TENM4: variants seen among roughly 807,000 people sequenced by gnomAD.
TENM4 encodes the protein teneurin-4.
TENM4 carries 82 observed loss-of-function variants against 243.3 expected under a neutral mutation model. The ratio of observed to expected loss-of-function variants is 0.34; its 90% confidence interval spans 0.28 to 0.40. TENM4 has a LOEUF of 0.40. Ranked by LOEUF, TENM4 falls within the 10% of genes least tolerant of loss-of-function variation. The pLI, the probability that TENM4 is intolerant of heterozygous loss-of-function variation, is 1.00. For missense variants in TENM4, 3,138 were observed against 3,673.3 expected, an observed-to-expected ratio of 0.85 and a Z score of 3.77; for synonymous variants, 1,412 against 1,456.3, an observed-to-expected ratio of 0.97 and a Z score of 0.69.
At chr11:79,013,885 A>G (rs1413035232) in intron 6 of TENM4, among the ~76,000 whole-genome samples, 1 of 152,172 alleles carries the variant, frequency 6.6e-6, no homozygotes, top group Non-Finnish European at 1.5e-5. Flanking sequence ...GATCCAGCTG[A>G]GTCACTTTTC....
At chr11:79,164,010 GTA>G (rs200786571) in intron 3 of TENM4, among the ~76,000 whole-genome samples, 60,403 of 117,202 alleles carry the variant, frequency 0.52, 17,101 homozygotes, top group Non-Finnish European at 0.64. Flanking sequence ...ATAGTATATA[GTA>G]TATATATAGT....
chr11:79,230,909 C>T lies in TENM4; in HGVS notation c.-264-15000G>A, dbSNP rs909051763. 2.0e-5 allele frequency among the ~76,000 whole-genome samples: 3 copies of T among 152,164 alleles called. No homozygotes were observed. In the East Asian group the frequency reaches 5.8e-4, roughly 29 times the overall value. ...GTACAATAGCTTTGTCTTCTGGCTG[C>T]CTAACAAGAGCCCTTAGGCTGAGGG... On this transcript the variant is annotated intron_variant, in intron 2 of 33. Transcript: ENST00000278550.
At chr11:79,109,075 C>T (rs1861442489) in intron 4 of TENM4, among the ~76,000 whole-genome samples, 1 of 152,154 alleles carries the variant, frequency 6.6e-6, no homozygotes, top group Non-Finnish European at 1.5e-5. Context: ...TGTGGATTCC[C>T]CTCAGAGCTG....
At chr11:79,378,517 G>A (rs918285379) in intron 1 of TENM4, among the ~76,000 whole-genome samples, 1 of 152,140 alleles carries the variant, frequency 6.6e-6, no homozygotes, top group African/African-American at 2.4e-5. Context: ...GTCACCTGGG[G>A]GCATGCCTTG....
Position 79,154,716 on chromosome 11 carries a change from G to A in TENM4, c.-162-5910C>T, listed in dbSNP as rs117557948. On this transcript the variant is annotated intron_variant, in intron 3 of 33. Coordinates refer to ENST00000278550, the MANE Select transcript of TENM4 (RefSeq NM_001098816.3). ...TACTCACTTGCAGGAGAGCTCCTTGGCCCCTCAGAGGAAGGAGTTTCCTCT... is the reference window on the plus strand; with the variant it reads ...TACTCACTTGCAGGAGAGCTCCTTGACCCCTCAGAGGAAGGAGTTTCCTCT... 1.6e-3 allele frequency among the ~76,000 whole-genome samples: 243 copies of A among 152,088 alleles called. 8 individuals are homozygous for A. The East Asian group carries it at 0.043, about 27-fold the overall frequency.
intron 6 of TENM4, among the ~76,000 whole-genome samples, chr11:79,008,396 T>C (rs916407397): frequency 1.3e-5 from 2 of 152,120 alleles, no homozygotes; most frequent in African/African-American, 2.4e-5. Flanking sequence ...ATTTTAAACA[T>C]AGAATAATAA....
intron 1 of TENM4, among the ~76,000 whole-genome samples, chr11:79,396,751 T>C (rs373743086): frequency 1.8e-4 from 28 of 152,238 alleles, no homozygotes; most frequent in African/African-American, 6.5e-4. Flanking sequence ...GGCCACTGGG[T>C]CTCCCAAGAC....
chr11:79,214,417 C>T lies in TENM4; in HGVS notation c.-163+1391G>A, dbSNP rs79961254. Among the ~76,000 whole-genome samples the T allele has an allele frequency of 3.7e-4, 56 of 152,240 alleles. 1 individual carries two copies. The East Asian group carries it at 8.1e-3, about 22-fold the overall frequency. On this transcript the variant is annotated intron_variant, in intron 3 of 33. Transcript: ENST00000278550. Reference sequence around the variant, plus strand: ...GAAAAGCCTACCTTTGTTTTTATTCCTTGTGATATCCCCAGAGCTTAACAT... The same window carrying T: ...GAAAAGCCTACCTTTGTTTTTATTCTTTGTGATATCCCCAGAGCTTAACAT...
intron 6 of TENM4, among the ~76,000 whole-genome samples, chr11:79,030,784 C>A (rs1370475811): frequency 6.6e-6 from 1 of 152,160 alleles, no homozygotes; most frequent in Non-Finnish European, 1.5e-5. Context: ...GACAGTAATT[C>A]TCCTACCAGG....
intron 23 of TENM4, 45 bp from the exon 24 acceptor site, chr11:78,722,962 G>T: frequency 1.9e-6 from 3 of 1,600,178 alleles, no homozygotes; most frequent in Non-Finnish European, 2.6e-6. Context: ...CAGGAAATGG[G>T]TATCTTTTCC....
At chr11:79,377,167 A>G (rs1857908197) in intron 1 of TENM4, among the ~76,000 whole-genome samples, 1 of 152,184 alleles carries the variant, frequency 6.6e-6, no homozygotes. Flanking sequence ...CAGAAACTGG[A>G]AGAGGCAGAA....
intron 7 of TENM4, among the ~76,000 whole-genome samples, chr11:78,892,243 A>G (rs887006563): frequency 1.3e-5 from 2 of 152,224 alleles, no homozygotes; most frequent in Non-Finnish European, 2.9e-5. Context: ...TTCACACTCA[A>G]GTAGGCTGGA....
chr11:78,919,237 T>C (rs1419060853), intron 6 of TENM4, among the ~76,000 whole-genome samples: 1 of 152,180 alleles, frequency 6.6e-6, no homozygotes, highest in African/African-American at 2.4e-5. Context: ...ATAAAACATG[T>C]ATTATTATCC....
At chr11:78,931,512 A>G (rs973872354) in intron 6 of TENM4, among the ~76,000 whole-genome samples, 1 of 152,260 alleles carries the variant, frequency 6.6e-6, no homozygotes, top group Non-Finnish European at 1.5e-5. Context: ...TGAAGTCAGT[A>G]AATATTTACT....
At chr11:78,829,134 T>C (rs562985748) in intron 12 of TENM4, among the ~76,000 whole-genome samples, 42 of 152,342 alleles carry the variant, frequency 2.8e-4, no homozygotes, top group African/African-American at 1.0e-3. Context: ...GGGTCCCTGG[T>C]TCTTTCTACT....
intron 3 of TENM4, among the ~76,000 whole-genome samples, chr11:79,155,555 T>TTTGATGTTTAAATAATAG: frequency 6.6e-6 from 1 of 152,060 alleles, no homozygotes; most frequent in Non-Finnish European, 1.5e-5. Flanking sequence ...TTTAATAATA[T>TTTGATGTTTAAATAATAG]TTGATGTTTA....
chr11:78,784,368 C>A (rs750748879), intron 16 of TENM4, among the ~76,000 whole-genome samples: 16 of 152,174 alleles, frequency 1.1e-4, no homozygotes, highest in Non-Finnish European at 1.9e-4. Flanking sequence ...CTCCCCTCCC[C>A]CTTCCCTTAT....
intron 6 of TENM4, among the ~76,000 whole-genome samples, chr11:78,999,139 A>T (rs985748679): frequency 2.0e-5 from 3 of 152,178 alleles, no homozygotes; most frequent in Admixed American, 6.5e-5. Flanking sequence ...ACAAGAAAAA[A>T]ATCAAGTGAT....
chr11:78,994,197 A>G (rs894392931), intron 6 of TENM4, among the ~76,000 whole-genome samples: 2 of 152,210 alleles, frequency 1.3e-5, no homozygotes. Context: ...GAACGGAAAC[A>G]TCTCTCAGCC....
Sources: gnomAD v4.1 joint callset for allele counts (sites outside exome capture counted in the v4.1 genomes callset) on GRCh38, gnomAD v4.1.1 for gene constraint, MANE v1.5 for transcripts, NCBI Gene and HGNC (gene_info 2026-07-23, HGNC 2026-07-21) for gene names.